ATXN1: variants seen among roughly 807,000 people sequenced by gnomAD.
ATXN1 encodes the protein ataxin 1, also known as ataxin-1.
A neutral mutation model predicts 56.4 loss-of-function variants in ATXN1; 8 were observed. The observed-to-expected ratio is 0.14, with a 90% CI of 0.08 to 0.26. The LOEUF is 0.26. Ranked by LOEUF, ATXN1 falls within the 10% of genes least tolerant of loss-of-function variation. The pLI, the probability that ATXN1 is intolerant of heterozygous loss-of-function variation, is 1.00. For synonymous variants in ATXN1, 514 were observed against 494.6 expected (o/e 1.04, Z -0.52); for missense variants, 987 against 1,106.5 (o/e 0.89, Z 1.53).
At chr6:16,318,985 G>A (rs535015132) in intron 7 of ATXN1, among the ~76,000 whole-genome samples, 33 of 152,284 alleles carry the variant, frequency 2.2e-4, no homozygotes, top group African/African-American at 7.7e-4. Flanking sequence ...GGGGGCCTGA[G>A]GCGGGAGGAT....
At position 16,428,661 on chromosome 6, in the gene ATXN1, T is replaced by C. The variant is rs557590945; in HGVS notation, c.-161+57311A>G. On this transcript the variant is annotated intron_variant, in intron 6 of 7. Coordinates refer to ENST00000436367, the MANE Select transcript of ATXN1 (RefSeq NM_001128164.2). The stretch of plus-strand genomic sequence containing the variant: ...GGGAGAGTTTCAGCACTTACCCCAA[T>C]TACAGCACAAGCTGATGCCAGAGGG... Among the ~76,000 whole-genome samples, 91 of 152,190 alleles carry C rather than the reference T, an allele frequency of 6.0e-4. 1 individual carries two copies. The highest frequency in any genetic ancestry group is 2.2e-3 in the African/African-American group (90 of 41,536).
intron 6 of ATXN1, among the ~76,000 whole-genome samples, chr6:16,464,923 A>G (rs928468144): frequency 2.6e-5 from 4 of 152,202 alleles, no homozygotes; most frequent in African/African-American, 4.8e-5. Context: ...TATTAGTTCA[A>G]TTTCAACAAA....
intron 3 of ATXN1, among the ~76,000 whole-genome samples, chr6:16,610,892 G>C (rs983459003): frequency 7.9e-5 from 12 of 151,064 alleles, no homozygotes; most frequent in African/African-American, 2.9e-4. Context: ...TTAGCCAGGC[G>C]TGGGGCTGTG....
chr6:16,393,569 A>G (rs1758397486), intron 6 of ATXN1, among the ~76,000 whole-genome samples: 1 of 152,198 alleles, frequency 6.6e-6, no homozygotes, highest in African/African-American at 2.4e-5. Context: ...ATGTGACTCT[A>G]TCTCTACATT....
intron 6 of ATXN1, among the ~76,000 whole-genome samples, chr6:16,404,191 A>C (rs1003273513): frequency 6.6e-6 from 1 of 152,128 alleles, no homozygotes; most frequent in Non-Finnish European, 1.5e-5. Flanking sequence ...TCTTTACCCA[A>C]AAAAGGAGGC....
intron 2 of ATXN1, among the ~76,000 whole-genome samples, chr6:16,676,974 G>C: frequency 6.6e-6 from 1 of 151,804 alleles, no homozygotes; most frequent in East Asian, 1.9e-4. Flanking sequence ...AGATCTAGGC[G>C]TTTGTCTCAT....
At chr6:16,411,125 CA>C (rs746717153) in intron 6 of ATXN1, among the ~76,000 whole-genome samples, 1,258 of 80,682 alleles carry the variant, frequency 0.016, 3 homozygotes, top group Non-Finnish European at 0.02. Flanking sequence ...ACCTCTGTGT[CA>C]AAAAAAAAAA....
At chr6:16,526,315 G>A (rs970051522) in intron 4 of ATXN1, among the ~76,000 whole-genome samples, 4 of 151,928 alleles carry the variant, frequency 2.6e-5, no homozygotes, top group Non-Finnish European at 4.4e-5. Flanking sequence ...GGTAGCATGT[G>A]GTTCTTTTTC....
At chr6:16,483,155 G>A (rs1180150473) in intron 6 of ATXN1, among the ~76,000 whole-genome samples, 3 of 151,662 alleles carry the variant, frequency 2.0e-5, no homozygotes, top group Non-Finnish European at 4.4e-5. Flanking sequence ...CTTACAGCCA[G>A]TCTGAAACAT....
At chr6:16,705,310 G>T (rs547341746) in intron 2 of ATXN1, among the ~76,000 whole-genome samples, 5 of 152,250 alleles carry the variant, frequency 3.3e-5, no homozygotes, top group African/African-American at 1.2e-4. Flanking sequence ...CCTCTGTGAG[G>T]TGACTCAACA....
chr6:16,717,652 C>T (rs950261245), intron 2 of ATXN1, among the ~76,000 whole-genome samples: 2 of 152,066 alleles, frequency 1.3e-5, no homozygotes, highest in Admixed American at 6.5e-5. Context: ...GTTTCCACTG[C>T]GGATTAACAT....
rs571270274 is a variant in ATXN1 at position 16,327,597 on chromosome 6, G to C, written c.714C>G (p.Ser238=). Residue 238 remains serine (S), a synonymous_variant, in exon 7 of 8, where the codon TCC becomes TCG. Coordinates refer to ENST00000436367, the MANE Select transcript of ATXN1 (RefSeq NM_001128164.2). Reference sequence around the variant, plus strand: ...ACTGGTTCTGCTGGGCTGGTGGGGGGGACCCCGGGGTGATGAGCCCCGGAG... The same window carrying C: ...ACTGGTTCTGCTGGGCTGGTGGGGGCGACCCCGGGGTGATGAGCCCCGGAG... ...SRAPGLITPG[S]PPPAQQNQYV... 6.3e-7 allele frequency: 1 copy of C among 1,593,670 alleles called. No individual in the cohort carries two copies. Among genetic ancestry groups the C allele is most frequent in the African/African-American group, 1.3e-5 (1 of 74,740 alleles).
intron 2 of ATXN1, among the ~76,000 whole-genome samples, chr6:16,703,766 TC>T (rs1164086129): frequency 3.9e-5 from 6 of 152,234 alleles, no homozygotes; most frequent in African/African-American, 1.4e-4. Context: ...ACGACTGTAA[TC>T]CCGGCACTTT....
At position 16,326,087 on chromosome 6, in the gene ATXN1, C is replaced by G. The variant is rs1408362041; in HGVS notation, c.1917+307G>C. The stretch of plus-strand genomic sequence containing the variant: ...CTGAAGTCCAGCAGCGTTTCCTAAT[C>G]AGGGTTCCTCATCTTAATCACAGAA... On this transcript the variant is annotated intron_variant, in intron 7 of 7. Transcript: ENST00000436367. The surrounding 1 kb of genome is among the most constrained non-coding windows in gnomAD (Gnocchi z 6.6). Among the ~76,000 whole-genome samples the G allele has an allele frequency of 6.6e-6, 1 of 152,190 alleles. No homozygotes were observed. Among genetic ancestry groups the G allele is most frequent in the South Asian group, 2.1e-4 (1 of 4,830 alleles).
intron 7 of ATXN1, among the ~76,000 whole-genome samples, chr6:16,311,450 A>T (rs950374456): frequency 2.0e-5 from 3 of 152,260 alleles, no homozygotes; most frequent in Non-Finnish European, 4.4e-5. Context: ...TGACTGAAAT[A>T]AGTAGGATCC....
intron 5 of ATXN1, among the ~76,000 whole-genome samples, chr6:16,516,437 T>A (rs1205673331): frequency 6.6e-6 from 1 of 152,210 alleles, no homozygotes; most frequent in Non-Finnish European, 1.5e-5. Context: ...GGCCAAAGCT[T>A]TGAAGCATTG....
intron 3 of ATXN1, among the ~76,000 whole-genome samples, chr6:16,638,224 G>A (rs578095447): frequency 6.5e-4 from 99 of 151,852 alleles, no homozygotes; most frequent in African/African-American, 2.2e-3. Flanking sequence ...GTGGAGGATC[G>A]CTTGAGCCCA....
intron 3 of ATXN1, among the ~76,000 whole-genome samples, chr6:16,628,466 CT>C (rs1350045296): frequency 3.9e-5 from 6 of 152,152 alleles, no homozygotes; most frequent in Admixed American, 3.9e-4. Flanking sequence ...TAACCTATTT[CT>C]TAAGCTTTTA....
At chr6:16,556,750 G>GA (rs757178230) in intron 4 of ATXN1, among the ~76,000 whole-genome samples, 1 of 152,064 alleles carries the variant, frequency 6.6e-6, no homozygotes, top group East Asian at 1.9e-4. Context: ...ATTTAACACT[G>GA]ATCTGTTAAA....
Sources: gnomAD v4.1 joint callset for allele counts (sites outside exome capture counted in the v4.1 genomes callset) on GRCh38, gnomAD v4.1.1 for gene constraint, Gnocchi (gnomAD v3.1) non-coding constraint, MANE v1.5 for transcripts, NCBI Gene and HGNC (gene_info 2026-07-23, HGNC 2026-07-21) for gene names.